The following TMCC2 variants were observed in gnomAD, a reference collection of about 807,000 sequenced individuals.
The protein encoded by TMCC2 is transmembrane and coiled-coil domains protein 2.
TMCC2 carries 16 observed loss-of-function variants against 49.4 expected under a neutral mutation model. The observed-to-expected ratio is 0.32, with a 90% CI of 0.22 to 0.49. The LOEUF is 0.49. Among genes scored for constraint, TMCC2 ranks in the 20% least tolerant of loss-of-function variants. The pLI, the probability that TMCC2 is intolerant of heterozygous loss-of-function variation, is 0.99. For synonymous variants in TMCC2, 397 were observed against 434.1 expected, an observed-to-expected ratio of 0.91 and a Z score of 1.06; for missense variants, 762 against 989.8, an observed-to-expected ratio of 0.77 and a Z score of 3.09.
At chr1:205,228,979 T>C in intron 1 of TMCC2, 1 of 1,377,744 alleles carries the variant, frequency 7.3e-7, no homozygotes, top group Non-Finnish European at 9.4e-7. Flanking sequence ...TCTGTGTTTG[T>C]TCCCCATTAT....
intron 2 of TMCC2, among the ~76,000 whole-genome samples, chr1:205,262,272 G>A (rs1204317588): frequency 6.6e-6 from 1 of 152,158 alleles, no homozygotes; most frequent in Non-Finnish European, 1.5e-5. Flanking sequence ...CCTCTGTGAG[G>A]GGTAGGAAAA....
At chr1:205,266,065 C>T (rs756217645) in intron 2 of TMCC2, among the ~76,000 whole-genome samples, 98 of 145,628 alleles carry the variant, frequency 6.7e-4, no homozygotes, top group Non-Finnish European at 7.3e-4. Context: ...CACGGTGAAA[C>T]CCCATCTCTA....
chr1:205,254,353 G>A (rs1013163062), intron 2 of TMCC2, among the ~76,000 whole-genome samples: 1 of 152,220 alleles, frequency 6.6e-6, no homozygotes, highest in Non-Finnish European at 1.5e-5. Flanking sequence ...AGGTCACTTA[G>A]AAAGCATGGA....
chr1:205,248,577 C>T (rs956286025), intron 2 of TMCC2, among the ~76,000 whole-genome samples: 1 of 152,156 alleles, frequency 6.6e-6, no homozygotes, highest in African/African-American at 2.4e-5. Flanking sequence ...GCAGGTTTTC[C>T]ATCCATGTGT....
At chr1:205,229,562 TG>T in intron 1 of TMCC2, 1 of 453,646 alleles carries the variant, frequency 2.2e-6, no homozygotes, top group Non-Finnish European at 2.4e-6. Context: ...GGGGGGGTGG[TG>T]GCGGGGGCGG....
intron 4 of TMCC2, 147 bp from the exon 5 acceptor site, chr1:205,271,666 C>A: frequency 1.0e-6 from 1 of 1,000,350 alleles, no homozygotes; most frequent in Non-Finnish European, 1.4e-6. Context: ...GTCTCTGACC[C>A]CAGTTGCAGC....
intron 2 of TMCC2, among the ~76,000 whole-genome samples, chr1:205,245,373 C>T (rs529565823): frequency 6.6e-6 from 1 of 152,036 alleles, no homozygotes; most frequent in East Asian, 1.9e-4. Flanking sequence ...AGTGGGAGGG[C>T]GGATGAAAGA....
chr1:205,269,665 G>A lies in TMCC2; in HGVS notation c.1463G>A (p.Gly488Glu). 6.2e-7 allele frequency: 1 copy of A among 1,613,894 alleles called. No individual in the cohort carries two copies. The highest frequency in any genetic ancestry group is 8.5e-7 in the Non-Finnish European group (1 of 1,179,938). ...ECSSASASSAGAGSNSGAGPG... is the reference protein window; with the variant it reads ...ECSSASASSAEAGSNSGAGPG... ...TCCAGCGCCAGCGCCAGCTCAGCCG[G>A]GGCAGGCAGCAACTCTGGGGCTGGG... The change falls in exon 3 of 5, where the codon GGG becomes GAG. Residue 488 changes from glycine (G) to glutamate (E), a missense_variant. Physicochemically the swap from Gly to Glu is moderately conservative, Grantham distance 98. Transcript: ENST00000358024.
intron 2 of TMCC2, chr1:205,256,385 T>C: frequency 6.4e-7 from 1 of 1,551,078 alleles, no homozygotes; most frequent in Non-Finnish European, 8.7e-7. Flanking sequence ...GCTGGCACTG[T>C]CAAGATGAAG....
intron 2 of TMCC2, among the ~76,000 whole-genome samples, chr1:205,267,135 A>G (rs923614515): frequency 2.0e-5 from 3 of 152,270 alleles, no homozygotes; most frequent in Non-Finnish European, 1.5e-5. Context: ...ATAAGAGGGA[A>G]GTCCTGACTT....
At chr1:205,231,716 T>C (rs1179229216) in intron 1 of TMCC2, among the ~76,000 whole-genome samples, 1 of 152,150 alleles carries the variant, frequency 6.6e-6, no homozygotes, top group Non-Finnish European at 1.5e-5. Context: ...TGTTTTAGAT[T>C]TGATGGTGGT....
intron 1 of TMCC2, chr1:205,236,957 C>A (rs1177480135): frequency 6.6e-6 from 1 of 152,014 alleles, no homozygotes; most frequent in Non-Finnish European, 1.5e-5. Flanking sequence ...AGGCTGAATT[C>A]TCTAAGCAAT....
At chr1:205,243,114 T>C (rs1418408941) in intron 2 of TMCC2, among the ~76,000 whole-genome samples, 1 of 152,184 alleles carries the variant, frequency 6.6e-6, no homozygotes, top group African/African-American at 2.4e-5. Flanking sequence ...GCCAGGCACA[T>C]GGCTCACACC....
At chr1:205,267,667 A>G (rs1215508743) in intron 2 of TMCC2, among the ~76,000 whole-genome samples, 1 of 151,962 alleles carries the variant, frequency 6.6e-6, no homozygotes, top group Non-Finnish European at 1.5e-5. Flanking sequence ...TACATTTCCC[A>G]TCTTTCCTAT....
At position 205,227,952 on chromosome 1, in the gene TMCC2, T is replaced by C. The variant is rs1337705899; in HGVS notation, c.-613T>C. On this transcript the variant is annotated 5_prime_UTR_variant, in exon 1 of 5. Transcript: ENST00000358024. ...CAGCCGGGCGGGGTAGGTTGCGCGC[T>C]CGCCGCGGGCTCGGGCCGCGGTCGC... is the stretch of plus-strand genomic sequence containing the variant. 6.6e-6 allele frequency among the ~76,000 whole-genome samples: 1 copy of C among 151,304 alleles called. No individual in the cohort carries two copies. The highest frequency in any genetic ancestry group is 2.4e-5 in the African/African-American group (1 of 41,302).
In TMCC2 at chr1:205,269,543, C is replaced by T; in HGVS notation, c.1341C>T (p.Asp447=). The change falls in exon 3 of 5, where the codon GAC becomes GAT. Residue 447 remains aspartate (D), a synonymous_variant. Transcript: ENST00000358024. ...CTGACAACATCGCCCACCTGAAGGACCCCCTGGAAGATGGGCCCCCTGAGG... is the reference window on the plus strand; with the variant it reads ...CTGACAACATCGCCCACCTGAAGGATCCCCTGGAAGATGGGCCCCCTGAGG... ...GSADNIAHLK[D]PLEDGPPEEA... 6.2e-7 allele frequency: 1 copy of T among 1,613,726 alleles called. No homozygotes were observed. The highest frequency in any genetic ancestry group is 1.3e-5 in the African/African-American group (1 of 75,036).
At chr1:205,254,375 C>T (rs1423259074) in intron 2 of TMCC2, among the ~76,000 whole-genome samples, 4 of 152,202 alleles carry the variant, frequency 2.6e-5, no homozygotes, top group Admixed American at 6.5e-5. Context: ...GTGAGTCTCA[C>T]GCCCAGGGCT....
intron 2 of TMCC2, among the ~76,000 whole-genome samples, chr1:205,254,805 C>T (rs1465024393): frequency 6.6e-6 from 1 of 152,202 alleles, no homozygotes; most frequent in Non-Finnish European, 1.5e-5. Flanking sequence ...CACAGAGAGA[C>T]CTACCATGCA....
At chr1:205,244,651 G>A (rs1336755425) in intron 2 of TMCC2, among the ~76,000 whole-genome samples, 1 of 152,186 alleles carries the variant, frequency 6.6e-6, no homozygotes, top group African/African-American at 2.4e-5. Context: ...CCAGAGGGTA[G>A]GAACAGAGCT....
Sources: gnomAD v4.1 joint callset for allele counts (sites outside exome capture counted in the v4.1 genomes callset) on GRCh38, gnomAD v4.1.1 for gene constraint, MANE v1.5 for transcripts, NCBI Gene and HGNC (gene_info 2026-07-23, HGNC 2026-07-21) for gene names.